Variants in TRIM37 observed in about 807,000 individuals in gnomAD.
TRIM37 encodes the protein tripartite motif containing 37.
Under a neutral mutation model 129.8 loss-of-function variants are expected in TRIM37, and 80 were observed. The ratio of observed to expected loss-of-function variants is 0.62; its 90% CI spans 0.51 to 0.74. TRIM37 has a LOEUF of 0.74. Ranked by LOEUF, TRIM37 falls within the 30% of genes least tolerant of loss-of-function variation. The pLI is 0.00. For synonymous variants in TRIM37, 389 were observed against 387.1 expected (o/e 1.00, Z -0.06); for missense variants, 1,054 against 1,176.5 (o/e 0.90, Z 1.52).
chr17:58,971,896 T>A, the TRIM37 span, among the ~76,000 whole-genome samples: 4 of 152,268 alleles, frequency 2.6e-5, no homozygotes, highest in Admixed American at 1.3e-4. Flanking sequence ...AAAGTGGAAT[T>A]AATAATCATC....
chr17:59,085,096 G>A (rs1036771707), intron 4 of TRIM37, among the ~76,000 whole-genome samples: 5 of 152,124 alleles, frequency 3.3e-5, no homozygotes, highest in East Asian at 1.9e-4. Flanking sequence ...AGGCCAAGGC[G>A]GGTGGAACAC....
rs191126499 is a variant in TRIM37 at position 59,056,809 on chromosome 17, G to T, written c.1199+66C>A. 27 of 1,149,656 alleles carry T rather than the reference G, an allele frequency of 2.3e-5. No homozygotes were observed. The African/African-American group carries it at 2.4e-4, about 10-fold the overall frequency. The allele number at this position is 1,149,656 out of a possible 1,614,324, so 71.2% of individuals were successfully genotyped here. On this transcript the variant is annotated intron_variant, in intron 13 of 23. Coordinates refer to ENST00000262294, the MANE Select transcript of TRIM37 (RefSeq NM_015294.6). ...CATCTTTGTTAACCAAATGATCTTT[G>T]AAATATAGTTCTGATGATATTATTT...
chr17:59,034,939 G>T lies in TRIM37; in HGVS notation c.1754-2849C>A, dbSNP rs139441201. ...ATTACAGATGGGTTTTGCCTGTTTT[G>T]TATTTGTATAAAAGTAGTAACAGAG... On this transcript the variant is annotated intron_variant, in intron 17 of 23. Transcript: ENST00000262294. 2.4e-3 allele frequency among the ~76,000 whole-genome samples: 361 copies of T among 152,090 alleles called. 5 individuals carry two copies. The highest frequency in any genetic ancestry group is 8.3e-3 in the African/African-American group (344 of 41,478).
chr17:58,972,357 T>TC, the TRIM37 span: 2 of 1,204,690 alleles, frequency 1.7e-6, no homozygotes, highest in East Asian at 5.6e-5. Flanking sequence ...TTCACTTACT[T>TC]TTTTTTTTTT....
intron 7 of TRIM37, among the ~76,000 whole-genome samples, chr17:59,078,109 A>C (rs1256323688): frequency 1.3e-5 from 2 of 152,086 alleles, no homozygotes; most frequent in Non-Finnish European, 2.9e-5. Flanking sequence ...TGAATGACAG[A>C]GCGAGACTCC....
chr17:59,015,692 C>G lies in TRIM37; in HGVS notation c.2494G>C (p.Ala832Pro), dbSNP rs767059154. The change falls in exon 21 of 24, where the codon GCT (alanine) becomes CCT (proline). Residue 832 changes from alanine (A) to proline (P), a missense_variant. By Grantham distance (27) the Ala-to-Pro change is conservative. Around this residue, in one of 3 missense-constraint regions of TRIM37, gnomAD observed 287 missense variants for 274.3 expected, o/e 1.05. Transcript: ENST00000262294. ...ACCACAACAGCATCTGAATCCAAAG[C>G]TTTACACTGCCGGTCTTCAGTTTTT... ...LPKTEDRQCK[A>P]LDSDAVVVAV... is the part of the protein sequence containing the mutation. 6.2e-7 allele frequency: 1 copy of G among 1,614,168 alleles called. No individual in the cohort carries two copies. The highest frequency in any genetic ancestry group is 1.1e-5 in the South Asian group (1 of 91,078).
intron 4 of TRIM37, among the ~76,000 whole-genome samples, chr17:59,084,570 T>C (rs770111713): frequency 9.2e-5 from 14 of 152,220 alleles, no homozygotes; most frequent in Admixed American, 2.0e-4. Context: ...ATTTTAAATG[T>C]TCTTTTAAAC....
intron 16 of TRIM37, among the ~76,000 whole-genome samples, 170 bp from the exon 17 acceptor site, chr17:59,042,068 T>C (rs2039223283): frequency 1.3e-5 from 2 of 152,200 alleles, no homozygotes; most frequent in South Asian, 2.1e-4. Flanking sequence ...GTTAATGTTA[T>C]TGTTTAAACA....
chr17:59,078,539 AT>A (rs1159642837), intron 7 of TRIM37, among the ~76,000 whole-genome samples: 8 of 152,338 alleles, frequency 5.3e-5, no homozygotes, highest in Admixed American at 2.6e-4. Flanking sequence ...TGAAGATCAC[AT>A]CAACAGTCAA....
intron 7 of TRIM37, 22 bp from the exon 8 acceptor site, chr17:59,075,736 T>C: frequency 6.4e-7 from 1 of 1,555,424 alleles, no homozygotes; most frequent in South Asian, 1.1e-5. Flanking sequence ...TAGTGAATCA[T>C]CAACACTTGG....
chr17:59,020,282 G>C (rs1297301957), intron 19 of TRIM37, among the ~76,000 whole-genome samples: 1 of 88,614 alleles, frequency 1.1e-5, no homozygotes, highest in East Asian at 3.5e-4. Context: ...GACAAAAGCA[G>C]AAATATAATG....
At chr17:59,047,213 T>C (rs1362137384) in intron 16 of TRIM37, among the ~76,000 whole-genome samples, 1 of 151,652 alleles carries the variant, frequency 6.6e-6, no homozygotes, top group Non-Finnish European at 1.5e-5. Context: ...GATTTAACAA[T>C]TAAATGCAAC....
chr17:59,060,523 T>C (rs1484957393), intron 12 of TRIM37, among the ~76,000 whole-genome samples: 1 of 152,182 alleles, frequency 6.6e-6, no homozygotes, highest in African/African-American at 2.4e-5. Flanking sequence ...TCAGTTTGGA[T>C]GTAATATCAA....
chr17:59,096,296 A>C (rs1032162016), intron 2 of TRIM37, among the ~76,000 whole-genome samples: 2 of 152,048 alleles, frequency 1.3e-5, no homozygotes, highest in Admixed American at 6.6e-5. Flanking sequence ...TCACGCCTGT[A>C]ATCTCAATAC....
the TRIM37 span, among the ~76,000 whole-genome samples, chr17:58,974,874 A>G: frequency 6.6e-6 from 1 of 152,202 alleles, no homozygotes; most frequent in Admixed American, 6.5e-5. Context: ...TGAAAGAGAA[A>G]TAGCTAAAAG....
chr17:59,041,835 A>G lies in TRIM37; in HGVS notation c.1731T>C (p.Asp577=). ...TACCTGCGGGTCCTGCAGCAGCTGCATCTTCCATGAGTTCTCCCTCTTCTA... is the reference window on the plus strand; with the variant it reads ...TACCTGCGGGTCCTGCAGCAGCTGCGTCTTCCATGAGTTCTCCCTCTTCTA... ...MELEEGELME[D]AAAAGPAGSS... The change falls in exon 17 of 24, where the codon GAT becomes GAC. Residue 577 remains aspartate (D), a synonymous_variant. Transcript: ENST00000262294. 1 of 1,613,998 alleles carries G rather than the reference A, an allele frequency of 6.2e-7. No homozygotes were observed. The highest frequency in any genetic ancestry group is 8.5e-7 in the Non-Finnish European group (1 of 1,179,912).
At chr17:58,982,236 AGTTAT>A (rs1428300557), downstream of TRIM37, 1 of 152,610 alleles carries the variant, frequency 6.6e-6, no homozygotes, top group Non-Finnish European at 1.5e-5. Context: ...TTCAATATTT[AGTTAT>A]ATTTGATATT....
intron 2 of TRIM37, among the ~76,000 whole-genome samples, chr17:59,100,644 G>A (rs545161536): frequency 4.6e-5 from 7 of 152,146 alleles, no homozygotes; most frequent in Admixed American, 3.3e-4. Context: ...GAATTACCAA[G>A]AGGCACAAGG....
At chr17:59,044,557 C>T (rs1010490189) in intron 16 of TRIM37, among the ~76,000 whole-genome samples, 5 of 151,702 alleles carry the variant, frequency 3.3e-5, no homozygotes, top group Non-Finnish European at 5.9e-5. Context: ...AGCGAAACTC[C>T]GTCTCAAAAA....
Sources: gnomAD v4.1 joint callset for allele counts (sites outside exome capture counted in the v4.1 genomes callset) on GRCh38, gnomAD v4.1.1 for gene constraint, gnomAD v4.1.1 regional missense constraint, MANE v1.5 for transcripts, NCBI Gene and HGNC (gene_info 2026-07-23, HGNC 2026-07-21) for gene names.